Variants in BCAR3 observed in about 807,000 individuals in gnomAD.
BCAR3 encodes the protein BCAR3 adaptor protein, NSP family member, also known as breast cancer anti-estrogen resistance protein 3.
In BCAR3, 37 loss-of-function variants were observed where a neutral mutation model predicts 80.1. That is an observed-to-expected ratio of 0.46 (90% CI 0.36 to 0.61). The LOEUF (loss-of-function observed/expected upper bound fraction) is 0.61, where lower values mean the gene tolerates loss of function less well. Ranked by LOEUF, BCAR3 falls within the 20% of genes least tolerant of loss-of-function variation. The probability of loss-of-function intolerance (pLI) is 0.00; values close to 1 mark genes in which losing one functional copy is unlikely to be tolerated. For synonymous variants in BCAR3, 389 were observed against 418.9 expected (o/e 0.93, Z 0.87); for missense variants, 978 against 1,068.2 (o/e 0.92, Z 1.18).
intron 3 of BCAR3, among the ~76,000 whole-genome samples, chr1:93,620,384 GTTGT>G (rs1675271587): frequency 6.6e-6 from 1 of 152,318 alleles, no homozygotes; most frequent in Admixed American, 6.5e-5. Context: ...CATGTTAGGA[GTTGT>G]TTAACAGGCA....
At chr1:93,800,089 A>G (rs1653422966) in intron 2 of BCAR3, among the ~76,000 whole-genome samples, 1 of 152,200 alleles carries the variant, frequency 6.6e-6, no homozygotes, top group South Asian at 2.1e-4. Context: ...TGGAAGAGAT[A>G]ATCCATCCTT....
At chr1:93,612,203 T>A (rs559717884) in intron 3 of BCAR3, among the ~76,000 whole-genome samples, 2 of 152,050 alleles carry the variant, frequency 1.3e-5, no homozygotes, top group Admixed American at 6.6e-5. Context: ...AAACCCTAAG[T>A]TGGGACCGAG....
chr1:93,584,499 G>A (rs1043145222), intron 5 of BCAR3, among the ~76,000 whole-genome samples: 9 of 152,234 alleles, frequency 5.9e-5, no homozygotes, highest in African/African-American at 2.2e-4. Flanking sequence ...CAGGCCCAGA[G>A]GGAATGGCTT....
At chr1:93,597,036 A>G (rs184222793) in intron 3 of BCAR3, among the ~76,000 whole-genome samples, 2 of 152,350 alleles carry the variant, frequency 1.3e-5, no homozygotes, top group Admixed American at 6.5e-5. Flanking sequence ...ACATGCAGGC[A>G]GGGCTCATAT....
At chr1:93,562,830 ATCT>A (rs926623809) in intron 11 of BCAR3, among the ~76,000 whole-genome samples, 5 of 151,796 alleles carry the variant, frequency 3.3e-5, no homozygotes, top group Non-Finnish European at 4.4e-5. Context: ...CAAAATGAAC[ATCT>A]TCTCTCTCTC....
At chr1:93,748,512 C>T (rs1470214451) in intron 2 of BCAR3, among the ~76,000 whole-genome samples, 1 of 152,144 alleles carries the variant, frequency 6.6e-6, no homozygotes, top group Non-Finnish European at 1.5e-5. Flanking sequence ...AATGCCATTC[C>T]AGACTGGACT....
chr1:93,669,149 T>A (rs894403269), intron 2 of BCAR3, among the ~76,000 whole-genome samples: 2 of 152,162 alleles, frequency 1.3e-5, no homozygotes, highest in African/African-American at 4.8e-5. Flanking sequence ...GCATCGTACA[T>A]CCTTCTGATT....
At chr1:93,643,619 G>A (rs1338612369) in intron 2 of BCAR3, among the ~76,000 whole-genome samples, 3 of 150,638 alleles carry the variant, frequency 2.0e-5, no homozygotes, top group Non-Finnish European at 4.4e-5. Flanking sequence ...CAGTAGTTAT[G>A]GGGATGGGGG....
At chr1:93,692,864 T>C (rs1033126949) in intron 3 of BCAR3, among the ~76,000 whole-genome samples, 1 of 152,306 alleles carries the variant, frequency 6.6e-6, no homozygotes, top group South Asian at 2.1e-4. Context: ...AGGCATTCCA[T>C]AGATATTTGA....
In BCAR3 at chr1:93,608,478, G is replaced by A. The variant is rs183226308; in HGVS notation, c.358-16085C>T. On this transcript the variant is annotated intron_variant, in intron 3 of 11. Coordinates refer to ENST00000260502, the MANE Select transcript of BCAR3 (RefSeq NM_003567.4). ...TGCTGACCTCTCGCGCAGGCTGTGC[G>A]GGGAGACCTTTGTGGTCGGAGCACA... 4.0e-3 allele frequency among the ~76,000 whole-genome samples: 613 copies of A among 152,300 alleles called. 4 individuals are homozygous for A. Among genetic ancestry groups the A allele is most frequent in the Middle Eastern group, 0.024 (7 of 294 alleles).
At chr1:93,725,084 C>T (rs968956477) in intron 2 of BCAR3, among the ~76,000 whole-genome samples, 5 of 152,204 alleles carry the variant, frequency 3.3e-5, no homozygotes, top group Non-Finnish European at 5.9e-5. Flanking sequence ...CCACAGCACT[C>T]GTCGCTTCCC....
At chr1:93,717,031 C>T (rs944998592) in intron 2 of BCAR3, among the ~76,000 whole-genome samples, 1 of 152,244 alleles carries the variant, frequency 6.6e-6, no homozygotes, top group African/African-American at 2.4e-5. Flanking sequence ...TTTTGATGAA[C>T]AGAACGCAGA....
intron 2 of BCAR3, among the ~76,000 whole-genome samples, chr1:93,712,115 T>TG (rs1650045991): frequency 6.6e-6 from 1 of 152,194 alleles, no homozygotes; most frequent in Admixed American, 6.5e-5. Flanking sequence ...GCTACTGTTG[T>TG]GGGGTGAAGT....
intron 3 of BCAR3, among the ~76,000 whole-genome samples, chr1:93,636,180 C>A (rs901235805): frequency 6.6e-6 from 1 of 152,064 alleles, no homozygotes; most frequent in Non-Finnish European, 1.5e-5. Context: ...GAGCATTGAC[C>A]CCAGAAAGGA....
At chr1:93,631,709 G>A (rs1675625681) in intron 3 of BCAR3, among the ~76,000 whole-genome samples, 1 of 152,276 alleles carries the variant, frequency 6.6e-6, no homozygotes, top group East Asian at 1.9e-4. Flanking sequence ...TAGGGAGGAT[G>A]GTGCCTCAGC....
intron 7 of BCAR3, among the ~76,000 whole-genome samples, chr1:93,579,562 G>A (rs1220085620): frequency 6.6e-6 from 1 of 152,188 alleles, no homozygotes; most frequent in Non-Finnish European, 1.5e-5. Context: ...CAGGGAGACT[G>A]CATTCTTCAG....
At chr1:93,580,103 T>TA (rs1673638307) in intron 7 of BCAR3, among the ~76,000 whole-genome samples, 1 of 152,188 alleles carries the variant, frequency 6.6e-6, no homozygotes, top group African/African-American at 2.4e-5. Context: ...GGCAATGAGT[T>TA]ACTCTGGTTT....
intron 2 of BCAR3, among the ~76,000 whole-genome samples, chr1:93,667,393 T>C (rs236286): frequency 0.013 from 2,049 of 152,336 alleles, 46 homozygotes; most frequent in African/African-American, 0.045. Flanking sequence ...TTAACCTTCA[T>C]AGCACTTCTC....
chr1:93,620,027 G>A (rs1055590468), intron 3 of BCAR3, among the ~76,000 whole-genome samples: 1 of 152,206 alleles, frequency 6.6e-6, no homozygotes, highest in Non-Finnish European at 1.5e-5. Flanking sequence ...CACATAGTAG[G>A]CACTCTACAA....
Sources: allele counts gnomAD v4.1 joint callset (sites outside exome capture counted in the v4.1 genomes callset), GRCh38; gene constraint gnomAD v4.1.1; transcripts MANE v1.5; gene names NCBI Gene and HGNC (gene_info 2026-07-23, HGNC 2026-07-21).